Variants in DNAH5 observed in about 807,000 individuals in gnomAD.
DNAH5 encodes axonemal beta dynein heavy chain 5.
Under a neutral mutation model 518.2 loss-of-function variants are expected in DNAH5, and 372 were observed. That is an observed-to-expected ratio of 0.72 (90% CI 0.66 to 0.78). The LOEUF is 0.78. DNAH5 is among the 30% of genes least tolerant of loss of function. The probability of loss-of-function intolerance (pLI) is 0.00; values close to 1 mark genes in which losing one functional copy is unlikely to be tolerated. For missense variants in DNAH5, 5,523 were observed against 5,687.0 expected (o/e 0.97, Z 0.93); for synonymous variants, 2,039 against 2,025.9 (o/e 1.01, Z -0.17).
chr5:13,976,682 T>C (rs1433799112), intron 1 of DNAH5, among the ~76,000 whole-genome samples: 1 of 89,886 alleles, frequency 1.1e-5, no homozygotes, highest in East Asian at 5.3e-4. Context: ...AAACAATGTG[T>C]GTGTGTGTAT....
rs985306300 is a variant in DNAH5 at position 13,749,336 on chromosome 5, A to G, written c.11211+1742T>C. Among the ~76,000 whole-genome samples, 4 of 152,202 alleles carry G rather than the reference A, an allele frequency of 2.6e-5. No individual in the cohort carries two copies. In the East Asian group the frequency reaches 5.8e-4, roughly 22 times the overall value. On this transcript the variant is annotated intron_variant, in intron 65 of 78. Transcript: ENST00000265104. ...CAGAACAGATTCTGATAATGAGATA[A>G]TATTAAAGGAGTAATTCTCTCAAGA...
At position 13,721,143 on chromosome 5, in the gene DNAH5, T is replaced by C. The variant is rs1380434730; in HGVS notation, c.12136A>G (p.Ile4046Val). The change falls in exon 71 of 79, where the codon ATC becomes GTC. Residue 4046 changes from isoleucine to valine, a missense_variant. By Grantham distance (29) the Ile-to-Val change is conservative. Coordinates refer to ENST00000265104, the MANE Select transcript of DNAH5 (RefSeq NM_001369.3). ...TCTGAGCCCATAGACAGGAGACAGATGAGTGGCGTCCGTGGATCAGATTCC... is the reference window on the plus strand; with the variant it reads ...TCTGAGCCCATAGACAGGAGACAGACGAGTGGCGTCCGTGGATCAGATTCC... ...WEESDPRTPL[I>V]CLLSMGSDPT... The C allele has an allele frequency of 1.2e-6, 2 of 1,614,122 alleles. No homozygotes were observed. Among genetic ancestry groups the C allele is most frequent in the East Asian group, 4.5e-5 (2 of 44,864 alleles).
chr5:13,802,636 C>A (rs917355782), intron 47 of DNAH5, among the ~76,000 whole-genome samples: 12 of 152,152 alleles, frequency 7.9e-5, no homozygotes, highest in Admixed American at 7.9e-4. Context: ...AGGAAAGCAA[C>A]ATTGGAAGGG....
At chr5:13,849,979 C>T (rs903366049) in intron 31 of DNAH5, among the ~76,000 whole-genome samples, 1 of 152,144 alleles carries the variant, frequency 6.6e-6, no homozygotes, top group African/African-American at 2.4e-5. Context: ...GACACTATTA[C>T]AGGTCATGAG....
intron 1 of DNAH5, among the ~76,000 whole-genome samples, chr5:14,010,079 C>G (rs1329270407): frequency 6.6e-6 from 1 of 151,894 alleles, no homozygotes; most frequent in South Asian, 2.1e-4. Context: ...ATTTATATAC[C>G]GTTTTTATTT....
intron 47 of DNAH5, among the ~76,000 whole-genome samples, chr5:13,795,456 T>C (rs1757676868): frequency 6.6e-6 from 1 of 152,002 alleles, no homozygotes; most frequent in Admixed American, 6.6e-5. Context: ...CTAGAAGAAA[T>C]GGATAAATTC....
intron 38 of DNAH5, 28 bp downstream of exon 38, chr5:13,829,482 A>C: frequency 6.2e-7 from 1 of 1,608,622 alleles, no homozygotes; most frequent in Non-Finnish European, 8.5e-7. Context: ...AACATGCCTA[A>C]GTGCATAAGA....
rs575960134 is a variant in DNAH5, at chr5:13,993,513, T to C, written c.12+18135A>G. 1.2e-4 allele frequency among the ~76,000 whole-genome samples: 18 copies of C among 152,336 alleles called. 1 individual carries two copies. The South Asian group carries it at 3.3e-3, about 28-fold the overall frequency. On this transcript the variant is annotated intron_variant, in intron 1 of 78. Transcript: ENST00000681290. Reference sequence around the variant, plus strand: ...TATTACAAATATCACAAAATATAGATTACATAGAATTTAGTCATGAAAAGA... The same window carrying C: ...TATTACAAATATCACAAAATATAGACTACATAGAATTTAGTCATGAAAAGA...
chr5:13,945,419 T>C (rs1779830670), upstream of DNAH5, among the ~76,000 whole-genome samples: 2 of 152,206 alleles, frequency 1.3e-5, no homozygotes, highest in Admixed American at 6.5e-5. Flanking sequence ...AGTCAACCTC[T>C]GTGGAGCCTG....
intron 31 of DNAH5, among the ~76,000 whole-genome samples, chr5:13,846,050 G>C (rs1273118872): frequency 6.7e-6 from 1 of 149,906 alleles, no homozygotes; most frequent in Non-Finnish European, 1.5e-5. Flanking sequence ...TGTTAGCCAG[G>C]CTAGTCTCTA....
chr5:13,715,802 A>G (rs1744208587), intron 74 of DNAH5, among the ~76,000 whole-genome samples: 1 of 152,160 alleles, frequency 6.6e-6, no homozygotes, highest in Non-Finnish European at 1.5e-5. Context: ...ACAAGCGACA[A>G]TTTTGCCCCC....
chr5:13,778,292 A>T (rs989807364), intron 53 of DNAH5, among the ~76,000 whole-genome samples: 2 of 152,000 alleles, frequency 1.3e-5, no homozygotes, highest in Non-Finnish European at 2.9e-5. Flanking sequence ...CTTCTAAAAG[A>T]CACCTAGAGA....
exon 1 of DNAH5, among the ~76,000 whole-genome samples, chr5:14,011,683 T>TGGGACTCGTAGCGCTCCCCC (rs1294462442): frequency 6.6e-6 from 1 of 152,094 alleles, no homozygotes; most frequent in African/African-American, 2.4e-5. Context: ...GGCGCTCCGC[T>TGGGACTCGTAGCGCTCCCCC]GGGACTCGTA....
At chr5:13,765,925 C>G (rs1239974200) in intron 59 of DNAH5, 51 bp downstream of exon 59, 2 of 1,540,440 alleles carry the variant, frequency 1.3e-6, no homozygotes, top group Non-Finnish European at 1.8e-6. Context: ...AGGACTCATA[C>G]ACCAGTGAAG....
intron 35 of DNAH5, among the ~76,000 whole-genome samples, chr5:13,837,529 A>G (rs1764558802): frequency 1.3e-5 from 2 of 151,116 alleles, no homozygotes; most frequent in African/African-American, 2.4e-5. Context: ...GTTAACGCAC[A>G]TGGTGGTGGA....
intron 1 of DNAH5, among the ~76,000 whole-genome samples, chr5:13,979,842 GTTTT>G (rs397883750): frequency 7.4e-6 from 1 of 135,822 alleles, no homozygotes. Flanking sequence ...GTTTTTTGGG[GTTTT>G]TTTTTTTTTT....
chr5:13,693,752 C>T (rs1224661326), intron 78 of DNAH5, among the ~76,000 whole-genome samples: 1 of 148,130 alleles, frequency 6.8e-6, no homozygotes, highest in Non-Finnish European at 1.5e-5. Flanking sequence ...GAGAAACCTT[C>T]TTCTAAAACA....
Position 13,817,633 on chromosome 5 carries a change from CA to C in DNAH5, c.6902del (p.Met2301SerfsTer25). On this transcript the variant is annotated frameshift_variant, in exon 42 of 79. Transcript: ENST00000265104. LOFTEE classifies it high-confidence loss of function. ...TTGTGGCAACGTCCAGCCGACCAAA[CA>C]TCTGTGGGGCAGTAATCGCTTTGGG... ...MNPKAITAPQ[M>X]FGRLDVATND... The C allele has an allele frequency of 6.2e-7, 1 of 1,614,212 alleles. No individual in the cohort carries two copies. Among genetic ancestry groups the C allele is most frequent in the East Asian group, 2.2e-5 (1 of 44,884 alleles).
chr5:13,929,527 TA>T lies in DNAH5; in HGVS notation c.193-1350del, dbSNP rs1778214675. On this transcript the variant is annotated intron_variant, in intron 2 of 78. Transcript: ENST00000265104. Reference sequence around the variant, plus strand: ...ATCTTAAAATAATGTTTTTAAAGGATAAAATCTAGCCTGAACAATTAAATGT... The same window carrying T: ...ATCTTAAAATAATGTTTTTAAAGGATAAATCTAGCCTGAACAATTAAATGT... Among the ~76,000 whole-genome samples, 4 of 152,338 alleles carry T rather than the reference TA, an allele frequency of 2.6e-5. No homozygotes were observed. The South Asian group carries it at 8.3e-4, about 32-fold the overall frequency.
Sources: gnomAD v4.1 joint callset for allele counts (sites outside exome capture counted in the v4.1 genomes callset) on GRCh38, gnomAD v4.1.1 for gene constraint, MANE v1.5 for transcripts, NCBI Gene and HGNC (gene_info 2026-07-23, HGNC 2026-07-21) for gene names.